SLAIN1: variants seen among roughly 807,000 people sequenced by gnomAD.
SLAIN1 encodes SLAIN motif-containing protein 1.
Under a neutral mutation model 55.4 loss-of-function variants are expected in SLAIN1, and 17 were observed. That is an observed-to-expected ratio of 0.31 (90% CI 0.21 to 0.46). The LOEUF (loss-of-function observed/expected upper bound fraction) is 0.46, where lower values mean the gene tolerates loss of function less well. SLAIN1 is among the 20% of genes least tolerant of loss of function. SLAIN1 has a pLI of 1.00. For missense variants in SLAIN1, 682 were observed against 785.1 expected, an observed-to-expected ratio of 0.87 and a Z score of 1.57; for synonymous variants, 348 against 337.4, an observed-to-expected ratio of 1.03 and a Z score of -0.35.
At chr13:77,721,512 A>C (rs929534704) in intron 2 of SLAIN1, among the ~76,000 whole-genome samples, 30 of 152,154 alleles carry the variant, frequency 2.0e-4, no homozygotes, top group African/African-American at 7.2e-4. Flanking sequence ...TCTACATTTT[A>C]ACATACAAAT....
intron 4 of SLAIN1, among the ~76,000 whole-genome samples, chr13:77,747,198 C>T (rs1594288287): frequency 6.6e-6 from 1 of 152,090 alleles, no homozygotes; most frequent in South Asian, 2.1e-4. Context: ...CCGCCTTAGC[C>T]TCCCAAAGTG....
intron 1 of SLAIN1, among the ~76,000 whole-genome samples, chr13:77,712,989 G>GCTATT (rs752167553): frequency 8.7e-4 from 133 of 152,266 alleles, no homozygotes; most frequent in Non-Finnish European, 1.6e-3. Flanking sequence ...AATGGTGCTG[G>GCTATT]GAAAACTGGC....
intron 2 of SLAIN1, 119 bp downstream of exon 2, chr13:77,719,790 G>A (rs2154409693): frequency 9.2e-7 from 1 of 1,090,580 alleles, no homozygotes; most frequent in Middle Eastern, 2.1e-4. Flanking sequence ...TGCAGCTGTT[G>A]CATGCAATTT....
At chr13:77,762,746 A>G (rs1417328446) in intron 6 of SLAIN1, among the ~76,000 whole-genome samples, 3 of 152,198 alleles carry the variant, frequency 2.0e-5, no homozygotes, top group Non-Finnish European at 2.9e-5. Context: ...CAAATCTTCA[A>G]TTACTAATAA....
At position 77,741,253 on chromosome 13, in the gene SLAIN1, T is replaced by C; in HGVS notation, c.767-3030T>C. The C allele has an allele frequency of 5.1e-6, 5 of 987,154 alleles. No homozygotes were observed. The South Asian group carries it at 1.4e-4, about 28-fold the overall frequency. 61.1% of individuals were successfully genotyped at this position (987,154 alleles called of 1,614,324 possible). On this transcript the variant is annotated intron_variant, in intron 2 of 6. Coordinates refer to ENST00000418532, the MANE Select transcript of SLAIN1 (RefSeq NM_001242868.2). ...AAAGAACTATTGGTCTTTTAAAATATAGAATTTTTAATGAGAAACTTTGAA... is the reference window on the plus strand; with the variant it reads ...AAAGAACTATTGGTCTTTTAAAATACAGAATTTTTAATGAGAAACTTTGAA...
chr13:77,706,759 G>A (rs1390470870), intron 1 of SLAIN1, among the ~76,000 whole-genome samples: 1 of 152,128 alleles, frequency 6.6e-6, no homozygotes, highest in Non-Finnish European at 1.5e-5. Context: ...GAGATCCTGC[G>A]TATTTGAAAA....
Position 77,698,430 on chromosome 13 carries a change from C to T in SLAIN1, c.517C>T (p.Pro173Ser). 1.4e-6 allele frequency: 2 copies of T among 1,413,898 alleles called. No homozygotes were observed. The highest frequency in any genetic ancestry group is 1.8e-6 in the Non-Finnish European group (2 of 1,088,638). 87.6% of individuals were successfully genotyped at this position (1,413,898 alleles called of 1,614,324 possible). A position where few individuals can be genotyped will look rare whatever the true frequency, so the allele number is the denominator to read the frequency against. Residue 173 changes from proline (P) to serine (S), a missense_variant, in exon 1 of 7, where the codon CCA becomes TCA. Coordinates refer to ENST00000418532, the MANE Select transcript of SLAIN1 (RefSeq NM_001242868.2). The surrounding 1 kb of genome is among the most constrained non-coding windows in gnomAD (Gnocchi z 4.1). ...GPEPGGAGTP[P>S]GAAAAPPSPP... ...GGAGCCGGGGGGCGCGGGGACGCCG[C>T]CAGGGGCAGCTGCAGCGCCGCCCTC...
chr13:77,750,778 C>G (rs1482426297), intron 4 of SLAIN1, among the ~76,000 whole-genome samples: 1 of 152,116 alleles, frequency 6.6e-6, no homozygotes, highest in Non-Finnish European at 1.5e-5. Flanking sequence ...ATACTTCCAG[C>G]TGGGAAGTCC....
At chr13:77,722,780 C>A (rs758322296) in intron 2 of SLAIN1, among the ~76,000 whole-genome samples, 2 of 152,132 alleles carry the variant, frequency 1.3e-5, no homozygotes, top group African/African-American at 2.4e-5. Flanking sequence ...CAGATTCTTG[C>A]TCTGTGCCCA....
chr13:77,706,329 T>C (rs2091089874), intron 1 of SLAIN1, among the ~76,000 whole-genome samples: 1 of 152,272 alleles, frequency 6.6e-6, no homozygotes, highest in Middle Eastern at 3.4e-3. Context: ...GTTAATTGCA[T>C]GTTAAACATG....
chr13:77,744,549 T>G (rs1290168028), intron 3 of SLAIN1, 117 bp downstream of exon 3: 1 of 1,520,448 alleles, frequency 6.6e-7, no homozygotes, highest in Admixed American at 1.8e-5. Context: ...CTTTCTCTCA[T>G]ACTGTCCTAC....
chr13:77,717,619 A>G (rs1004454331), intron 1 of SLAIN1, among the ~76,000 whole-genome samples: 15 of 152,302 alleles, frequency 9.8e-5, no homozygotes, highest in Non-Finnish European at 1.9e-4. Flanking sequence ...CAAGCTTATC[A>G]GATGATTTTC....
intron 2 of SLAIN1, among the ~76,000 whole-genome samples, chr13:77,724,974 C>T (rs978809322): frequency 2.0e-5 from 3 of 151,964 alleles, no homozygotes; most frequent in African/African-American, 7.2e-5. Flanking sequence ...ATATAAATTG[C>T]CCAAGGGAAT....
chr13:77,720,393 G>A (rs912717704), intron 2 of SLAIN1, among the ~76,000 whole-genome samples: 2 of 152,020 alleles, frequency 1.3e-5, no homozygotes, highest in Admixed American at 6.6e-5. Flanking sequence ...TACAGATTCC[G>A]GAGCCTCCAG....
chr13:77,719,258 T>TGA (rs2091238412), intron 1 of SLAIN1, among the ~76,000 whole-genome samples: 1 of 139,830 alleles, frequency 7.2e-6, no homozygotes. Flanking sequence ...CTAGTTTAGT[T>TGA]AAAAAAAAAA....
rs993224466 is a variant in SLAIN1 at position 77,698,778 on chromosome 13, C to A, written c.626+239C>A. ...TCCGACTGCGGATGAACCGGCCCCC[C>A]CTTCCCCCCATCTGCCATGGGTTCT... On this transcript the variant is annotated intron_variant, in intron 1 of 6. Transcript: ENST00000418532. The surrounding 1 kb of genome is among the most constrained non-coding windows in gnomAD (Gnocchi z 4.1). The A allele has an allele frequency of 1.6e-6, 2 of 1,236,642 alleles. No individual in the cohort carries two copies. The highest frequency in any genetic ancestry group is 2.6e-5 in the East Asian group (1 of 38,384). 76.6% of individuals were successfully genotyped at this position (1,236,642 alleles called of 1,614,324 possible).
intron 1 of SLAIN1, among the ~76,000 whole-genome samples, chr13:77,700,043 G>A (rs1423536156): frequency 1.3e-5 from 2 of 152,096 alleles, no homozygotes; most frequent in Non-Finnish European, 2.9e-5. Context: ...CATTTTTGAT[G>A]GGGAGATATA....
intron 2 of SLAIN1, among the ~76,000 whole-genome samples, chr13:77,737,938 T>C (rs1345724545): frequency 6.6e-6 from 1 of 151,988 alleles, no homozygotes; most frequent in Admixed American, 6.6e-5. Flanking sequence ...GCCACAATAG[T>C]TAGTGCCTAT....
Position 77,718,699 on chromosome 13 carries a change from C to T in SLAIN1, c.627-833C>T, listed in dbSNP as rs185242029. On this transcript the variant is annotated intron_variant, in intron 1 of 6. Coordinates refer to ENST00000418532, the MANE Select transcript of SLAIN1 (RefSeq NM_001242868.2). ...GTAAGCTTATAGTAGTAAGGTGTCA[C>T]GTATTAGAGCCAGCAGTTTTGGGGA... Among the ~76,000 whole-genome samples, 310 of 152,196 alleles carry T rather than the reference C, an allele frequency of 2.0e-3. 1 individual carries two copies. Among genetic ancestry groups the T allele is most frequent in the African/African-American group, 7.2e-3 (300 of 41,530 alleles).
Sources: gnomAD v4.1 joint callset for allele counts (sites outside exome capture counted in the v4.1 genomes callset) on GRCh38, gnomAD v4.1.1 for gene constraint, Gnocchi (gnomAD v3.1) non-coding constraint, MANE v1.5 for transcripts, NCBI Gene and HGNC (gene_info 2026-07-23, HGNC 2026-07-21) for gene names.